STK3: variants seen among roughly 807,000 people sequenced by gnomAD.
STK3 encodes serine/threonine kinase 3.
Under a neutral mutation model 58.0 loss-of-function variants are expected in STK3, and 41 were observed. The ratio of observed to expected loss-of-function variants is 0.71; its 90% CI spans 0.55 to 0.92. The LOEUF (loss-of-function observed/expected upper bound fraction) is 0.92, where lower values mean the gene tolerates loss of function less well. STK3 is among the 40% of genes least tolerant of loss of function. The pLI is 0.00. For missense variants in STK3, 479 were observed against 602.7 expected (o/e 0.79, Z 2.15); for synonymous variants, 170 against 191.0 (o/e 0.89, Z 0.91).
Position 98,702,970 on chromosome 8 carries a change from A to G in STK3, c.684+3497T>C, listed in dbSNP as rs138325093. ...GCCTGTTATCAGCTGTGGGGTCTTCATGTCAATCACATCTTTGTCTCATTG... is the reference window on the plus strand; with the variant it reads ...GCCTGTTATCAGCTGTGGGGTCTTCGTGTCAATCACATCTTTGTCTCATTG... On this transcript the variant is annotated intron_variant, in intron 6 of 10. Transcript: ENST00000419617. Among the ~76,000 whole-genome samples the G allele has an allele frequency of 9.5e-3, 1,443 of 152,278 alleles. 18 individuals carry two copies. Among genetic ancestry groups the G allele is most frequent in the African/African-American group, 0.033 (1,365 of 41,540 alleles).
At chr8:98,659,355 C>T (rs1821794974) in intron 6 of STK3, among the ~76,000 whole-genome samples, 1 of 152,028 alleles carries the variant, frequency 6.6e-6, no homozygotes, top group South Asian at 2.1e-4. Flanking sequence ...TAACACCTTA[C>T]ATATACAAAT....
rs547657167 is a variant in STK3 at position 98,498,021 on chromosome 8, TAA to T, written c.1317+28719_1317+28720del. On this transcript the variant is annotated intron_variant, in intron 10 of 10. Coordinates refer to ENST00000419617, the MANE Select transcript of STK3 (RefSeq NM_006281.4). ...GCATTATTCATAATAGTGAAAGGAA[TAA>T]AGTGTTATCTGCACTTCATCCTTAC... Among the ~76,000 whole-genome samples, 37 of 152,330 alleles carry T rather than the reference TAA, an allele frequency of 2.4e-4. No individual in the cohort carries two copies. In the East Asian group the frequency reaches 6.2e-3, roughly 25 times the overall value.
chr8:98,623,544 G>A (rs1341256480), intron 6 of STK3, among the ~76,000 whole-genome samples: 1 of 152,190 alleles, frequency 6.6e-6, no homozygotes, highest in Non-Finnish European at 1.5e-5. Context: ...AGCACTTTGG[G>A]AGGCCAAGGC....
chr8:98,479,868 TG>T (rs1170480140), intron 10 of STK3, among the ~76,000 whole-genome samples: 3 of 152,122 alleles, frequency 2.0e-5, no homozygotes, highest in African/African-American at 7.2e-5. Flanking sequence ...ATGAAAAGAA[TG>T]GGAAATCTCA....
chr8:98,735,644 A>G (rs1039202082), intron 4 of STK3, among the ~76,000 whole-genome samples: 1 of 152,138 alleles, frequency 6.6e-6, no homozygotes, highest in African/African-American at 2.4e-5. Flanking sequence ...AGAATACAGG[A>G]GTTTTACCTT....
chr8:98,918,380 G>T lies in STK3; in HGVS notation c.-79+23998C>A, dbSNP rs185319682. Among the ~76,000 whole-genome samples, 13 of 152,342 alleles carry T rather than the reference G, an allele frequency of 8.5e-5. No homozygotes were observed. The East Asian group carries it at 2.5e-3, about 29-fold the overall frequency. ...CCTAGAGACTGATTAAGAGCCTGGA[G>T]CATAATCAATGCTTAACAAATATTC... On this transcript the variant is annotated intron_variant, in intron 1 of 1. Coordinates refer to the STK3 transcript ENST00000519420.
intron 10 of STK3, among the ~76,000 whole-genome samples, chr8:98,498,812 G>A (rs911949791): frequency 4.0e-5 from 6 of 151,812 alleles, no homozygotes; most frequent in Admixed American, 6.6e-5. Flanking sequence ...CTGATTCCTC[G>A]TCTTCTCCCC....
chr8:98,527,665 TA>T (rs1216149217), intron 9 of STK3, among the ~76,000 whole-genome samples: 1 of 151,732 alleles, frequency 6.6e-6, no homozygotes, highest in African/African-American at 2.4e-5. Flanking sequence ...TTAAAAAAAT[TA>T]AAAAAAATCA....
chr8:98,667,295 T>A lies in STK3; in HGVS notation c.684+39172A>T, dbSNP rs147533939. Among the ~76,000 whole-genome samples the A allele has an allele frequency of 4.5e-4, 69 of 152,224 alleles. No homozygotes were observed. In the East Asian group the frequency reaches 0.013, roughly 29 times the overall value. On this transcript the variant is annotated intron_variant, in intron 6 of 10. Transcript: ENST00000419617. ...TAAAATTTTTAAAAAACAGAATGAT[T>A]TCATTCTTTTCAAAAACCAGGGTGG...
intron 8 of STK3, among the ~76,000 whole-genome samples, chr8:98,558,411 T>C (rs1364229574): frequency 6.6e-6 from 1 of 152,136 alleles, no homozygotes; most frequent in Non-Finnish European, 1.5e-5. Flanking sequence ...GATACCTTTA[T>C]ATAAGCAATG....
chr8:98,541,019 C>T (rs1022008218), intron 9 of STK3, among the ~76,000 whole-genome samples: 7 of 152,214 alleles, frequency 4.6e-5, no homozygotes, highest in South Asian at 4.2e-4. Context: ...AACTCAGCGG[C>T]GCCAGCGGTA....
intron 10 of STK3, among the ~76,000 whole-genome samples, chr8:98,518,641 C>T (rs539038916): frequency 7.2e-5 from 11 of 152,188 alleles, no homozygotes; most frequent in East Asian, 3.9e-4. Flanking sequence ...CCTCAGCAGA[C>T]GGATGGTCAA....
chr8:98,833,091 G>C lies in STK3; in HGVS notation c.110+50556C>G, dbSNP rs1463723248. ...GAGGTCCTGAGAATACGTGCCCAAG[G>C]TGGTTGGGTTACGCTTGATTTTACA... On this transcript the variant is annotated intron_variant, in intron 3 of 12. Transcript: ENST00000523601. 2.0e-5 allele frequency among the ~76,000 whole-genome samples: 3 copies of C among 152,292 alleles called. No homozygotes were observed. In the South Asian group the frequency reaches 6.2e-4, roughly 32 times the overall value.
At chr8:98,680,981 CTTTTTTT>C (rs371666746) in intron 6 of STK3, among the ~76,000 whole-genome samples, 3 of 124,764 alleles carry the variant, frequency 2.4e-5, no homozygotes, top group Non-Finnish European at 5.0e-5. Context: ...CCCCACCTTT[CTTTTTTT>C]TTTTTTTTTT....
intron 1 of STK3, among the ~76,000 whole-genome samples, chr8:98,925,399 A>G (rs1404709006): frequency 6.6e-6 from 1 of 152,248 alleles, no homozygotes; most frequent in Non-Finnish European, 1.5e-5. Flanking sequence ...TTCTGCAACA[A>G]GTTCCTTAGC....
chr8:98,893,157 G>A (rs549179892), intron 1 of STK3, among the ~76,000 whole-genome samples: 9 of 152,140 alleles, frequency 5.9e-5, no homozygotes, highest in African/African-American at 2.2e-4. Flanking sequence ...GGAGGCCAAG[G>A]TTGGGTGGAT....
At chr8:98,545,875 A>C (rs114331538) in intron 9 of STK3, among the ~76,000 whole-genome samples, 1,738 of 152,290 alleles carry the variant, frequency 0.011, 42 homozygotes, top group African/African-American at 0.04. Context: ...GAGAAAAACA[A>C]AACTACAATA....
At chr8:98,439,070 C>T (rs1403808913) in intron 1 of STK3, 3 of 152,132 alleles carry the variant, frequency 2.0e-5, no homozygotes, top group Non-Finnish European at 4.4e-5. Context: ...ATCTCTCCCT[C>T]GTGTTGTCTC....
chr8:98,940,600 A>C (rs1466737671), intron 1 of STK3, among the ~76,000 whole-genome samples: 2 of 152,012 alleles, frequency 1.3e-5, no homozygotes, highest in African/African-American at 4.8e-5. Flanking sequence ...AGACGCGGGA[A>C]GGCCCCCGCG....
Sources: allele counts gnomAD v4.1 joint callset (sites outside exome capture counted in the v4.1 genomes callset), GRCh38; gene constraint gnomAD v4.1.1; transcripts MANE v1.5; gene names NCBI Gene and HGNC (gene_info 2026-07-23, HGNC 2026-07-21).